The following MYH7 variants were observed in gnomAD, a reference collection of about 807,000 sequenced individuals.
The protein encoded by MYH7 is myosin-7.
In MYH7, 129 loss-of-function variants were observed where a neutral mutation model predicts 225.4. That is an observed-to-expected ratio of 0.57 (90% CI 0.50 to 0.66). The LOEUF (loss-of-function observed/expected upper bound fraction) is 0.66, where lower values mean the gene tolerates loss of function less well. Among genes scored for constraint, MYH7 ranks in the 30% least tolerant of loss-of-function variants. MYH7 has a pLI of 0.00. For synonymous variants in MYH7, 971 were observed against 1,007.6 expected (o/e 0.96, Z 0.69); for missense variants, 1,649 against 2,517.0 (o/e 0.66, Z 7.38).
rs1181782451 is a variant in MYH7 at position 23,433,960 on chromosome 14, G to A, written c.-8-220C>T. On this transcript the variant is annotated intron_variant, in intron 2 of 39. Coordinates refer to ENST00000355349, the MANE Select transcript of MYH7 (RefSeq NM_000257.4). The surrounding 1 kb of genome is among the most constrained non-coding windows in gnomAD (Gnocchi z 4.1). ...AACAACTAACTATTGTTCAAGCTGG[G>A]GCTCTCCTAGGGGAAGGAAGAGCAT... Among the ~76,000 whole-genome samples, 1 of 152,128 alleles carries A rather than the reference G, an allele frequency of 6.6e-6. No individual in the cohort carries two copies. The highest frequency in any genetic ancestry group is 1.5e-5 in the Non-Finnish European group (1 of 68,004).
At chr14:23,416,782 C>T in intron 33 of MYH7, 86 bp downstream of exon 33, 1 of 1,605,684 alleles carries the variant, frequency 6.2e-7, no homozygotes. Flanking sequence ...GGACAGTGAA[C>T]AAAACGGACA....
chr14:23,419,359 G>A (rs1256985089), intron 28 of MYH7, 64 bp from the exon 29 acceptor site: 3 of 1,611,972 alleles, frequency 1.9e-6, no homozygotes, highest in Non-Finnish European at 2.5e-6. Flanking sequence ...TAGCCCTCAG[G>A]CCCCATTTTC....
chr14:23,420,895 G>T, intron 26 of MYH7, 63 bp downstream of exon 26: 2 of 1,243,920 alleles, frequency 1.6e-6, no homozygotes, highest in Non-Finnish European at 2.4e-6. Flanking sequence ...CCCTAGAGGA[G>T]GGGGCAGGGG....
chr14:23,415,838 G>A lies in MYH7; in HGVS notation c.4954-6C>T. ...TCCAGCTGAATCTGGGTGTCCTGAG[G>A]ATCAGGAGAGTGGGCATGAGCAGGG... On this transcript the variant is annotated splice_polypyrimidine_tract_variant and splice_region_variant and intron_variant, in intron 34 of 39. Coordinates refer to ENST00000355349, the MANE Select transcript of MYH7 (RefSeq NM_000257.4). The surrounding 1 kb of genome is among the most constrained non-coding windows in gnomAD (Gnocchi z 6.3). The A allele has an allele frequency of 1.2e-6, 2 of 1,614,206 alleles. No individual in the cohort carries two copies. The highest frequency in any genetic ancestry group is 1.7e-6 in the Non-Finnish European group (2 of 1,180,026).
In MYH7 at chr14:23,430,898, C is replaced by T. The variant is rs1338735834; in HGVS notation, c.895+3G>A. ...TTGGTCTCAGTCGGTGGCTCTGACTCACCCAGCAGCTCAGGCTTTTTGTTA... is the reference window on the plus strand; with the variant it reads ...TTGGTCTCAGTCGGTGGCTCTGACTTACCCAGCAGCTCAGGCTTTTTGTTA... On this transcript the variant is annotated splice_donor_region_variant and intron_variant, in intron 10 of 39. Transcript: ENST00000355349. The T allele has an allele frequency of 3.1e-6, 5 of 1,609,342 alleles. No individual in the cohort carries two copies. Among genetic ancestry groups the T allele is most frequent in the East Asian group, 2.2e-5 (1 of 44,856 alleles).
At chr14:23,422,429 T>C (rs539147074) in intron 24 of MYH7, 104 bp from the exon 25 acceptor site, 5 of 1,534,148 alleles carry the variant, frequency 3.3e-6, no homozygotes, top group East Asian at 4.6e-5. Flanking sequence ...GTTCAGGACT[T>C]GGGAAACCTT....
rs1246893810 is a variant in MYH7 at position 23,416,940 on chromosome 14, A to G, written c.4572T>C (p.His1524=). The G allele has an allele frequency of 1.9e-6, 3 of 1,614,204 alleles. No homozygotes were observed. The highest frequency in any genetic ancestry group is 2.5e-6 in the Non-Finnish European group (3 of 1,180,032). ...EQLGSSGKTI[H]ELEKVRKQLE... ...GCTGCTTTCGGACCTTCTCCAGCTC[A>G]TGGATAGTCTTTCCGCTGGAACCCA... Residue 1524 remains histidine (H), a synonymous_variant, in exon 33 of 40, where the codon CAT becomes CAC. Transcript: ENST00000355349.
In MYH7 at chr14:23,429,785, G is replaced by A. The variant is rs2231126; in HGVS notation, c.1128C>T (p.Asp376=). 0.091 allele frequency: 147,408 copies of A among 1,612,304 alleles called. 10,510 individuals carry two copies. The highest frequency in any genetic ancestry group is 0.39 in the African/African-American group (29,016 of 74,854). Residue 376 remains aspartate (D), a synonymous_variant, in exon 12 of 40, where the codon GAC becomes GAT. Transcript: ENST00000355349. ...LKQREEQAEP[D]GTEEADKSAY... ...ATCCCTGCCTCCCACCTTCAGTGCC[G>A]TCTGGCTCCGCCTGCTCCTCCCGCT...
At position 23,413,795 on chromosome 14, in the gene MYH7, G is replaced by A. The variant is rs138110910; in HGVS notation, c.5754C>T (p.Asn1918=). ...TGTCACGGCTCTTGGCCCGCAGCTT[G>A]TTGACCTGGGACTCGGCGATGTCCG... ...ERADIAESQV[N]KLRAKSRDIG... Residue 1918 remains asparagine (N), a synonymous_variant, in exon 39 of 40, where the codon AAC becomes AAT. Transcript: ENST00000355349. 6.2e-7 allele frequency: 1 copy of A among 1,614,244 alleles called. No homozygotes were observed. The highest frequency in any genetic ancestry group is 2.2e-5 in the East Asian group (1 of 44,892).
In MYH7 at chr14:23,415,805, C is replaced by T. The variant is rs1358266100; in HGVS notation, c.4981G>A (p.Val1661Ile). ...TCCTTCAGGTCGTCGTTGGCACGGA[C>T]TGCATCGTCCAGCTGAATCTGGGTG... Reference protein sequence around the residue: ...KDTQIQLDDAVRANDDLKENI... With the variant: ...KDTQIQLDDAIRANDDLKENI... The change falls in exon 35 of 40, where the codon GTC (valine) becomes ATC (isoleucine). Residue 1661 changes from valine (V) to isoleucine (I), a missense_variant. This residue lies in a region of MYH7 where 687 missense variants were observed against 913.8 expected (regional missense o/e 0.75). Coordinates refer to ENST00000355349, the MANE Select transcript of MYH7 (RefSeq NM_000257.4). This position sits in a 1 kb window ranked among gnomAD's most constrained non-coding sequence, Gnocchi z 6.3. The T allele has an allele frequency of 3.7e-6, 6 of 1,614,232 alleles. No individual in the cohort carries two copies. The highest frequency in any genetic ancestry group is 5.1e-6 in the Non-Finnish European group (6 of 1,180,054).
chr14:23,415,281 G>T lies in MYH7; in HGVS notation c.5284-11C>A. On this transcript the variant is annotated splice_polypyrimidine_tract_variant and intron_variant, in intron 36 of 39. Coordinates refer to ENST00000355349, the MANE Select transcript of MYH7 (RefSeq NM_000257.4). This position sits in a 1 kb window ranked among gnomAD's most constrained non-coding sequence, Gnocchi z 6.3. ...TGCCATCATGGCGGCCTGTGTGCAG[G>T]AGAGAGGTGGCACATGGTCTGGTCA... 6.2e-7 allele frequency: 1 copy of T among 1,614,242 alleles called. No individual in the cohort carries two copies. Among genetic ancestry groups the T allele is most frequent in the African/African-American group, 1.3e-5 (1 of 75,066 alleles).
intron 33 of MYH7, among the ~76,000 whole-genome samples, chr14:23,416,622 C>T (rs1442038741): frequency 2.0e-5 from 3 of 152,032 alleles, no homozygotes; most frequent in Admixed American, 6.5e-5. Context: ...AGGTGGGAAC[C>T]GGGAGGTATG....
chr14:23,419,716 G>A, intron 27 of MYH7, 107 bp from the exon 28 acceptor site: 1 of 1,612,042 alleles, frequency 6.2e-7, no homozygotes. Context: ...GTGAAAAGAA[G>A]GAGGGGATCT....
At chr14:23,421,839 G>A in intron 25 of MYH7, 1 of 954,656 alleles carries the variant, frequency 1.0e-6, no homozygotes, top group South Asian at 4.8e-5. Context: ...ACTTTCCTAA[G>A]AGGCTCTCAT....
At chr14:23,421,092 C>G (rs777327438) in intron 25 of MYH7, 44 bp from the exon 26 acceptor site, 1 of 1,463,562 alleles carries the variant, frequency 6.8e-7, no homozygotes, top group Non-Finnish European at 9.6e-7. Flanking sequence ...ACTCGTGGGG[C>G]CTCAGGAGGG....
Position 23,432,795 on chromosome 14 carries a change from T to A in MYH7, c.346A>T (p.Thr116Ser). The change falls in exon 5 of 40, where the codon ACC (threonine) becomes TCC (serine). Residue 116 changes from threonine (T) to serine (S), a missense_variant and splice_region_variant. Around this residue, in one of 12 missense-constraint regions of MYH7, gnomAD observed 77 missense variants for 144.0 expected, o/e 0.53. Transcript: ENST00000355349. ...KDRYGSWMIYTYSGLFCVTVN... is the reference protein window; with the variant it reads ...KDRYGSWMIYSYSGLFCVTVN... The stretch of plus-strand genomic sequence containing the variant: ...GTGACACAGAAGAGGCCCGAGTAGG[T>A]CTGGGGATAGAAAAGGAGCAGTGAC... 1.2e-6 allele frequency: 2 copies of A among 1,613,932 alleles called. No individual in the cohort carries two copies. The highest frequency in any genetic ancestry group is 1.7e-6 in the Non-Finnish European group (2 of 1,179,974).
chr14:23,414,636 G>A (rs1445808276), intron 37 of MYH7, among the ~76,000 whole-genome samples: 4 of 152,172 alleles, frequency 2.6e-5, no homozygotes, highest in Non-Finnish European at 5.9e-5. Flanking sequence ...CAATGAAAAA[G>A]TTTTTATGCT....
rs1892070670 is a variant in MYH7, at chr14:23,413,834, C to T, written c.5715G>A (p.Glu1905=). ...KFRKVQHELD[E]AEERADIAES... Reference sequence around the variant, plus strand: ...CGGCGATGTCCGCCCGCTCCTCTGCCTCATCCAGCTCGTGCTGCACCTTGC... The same window carrying T: ...CGGCGATGTCCGCCCGCTCCTCTGCTTCATCCAGCTCGTGCTGCACCTTGC... The change falls in exon 39 of 40, where the codon GAG becomes GAA. Residue 1905 remains glutamate (E), a synonymous_variant. Transcript: ENST00000355349. 1 of 1,614,156 alleles carries T rather than the reference C, an allele frequency of 6.2e-7. No individual in the cohort carries two copies. The highest frequency in any genetic ancestry group is 1.7e-5 in the Admixed American group (1 of 60,014).
intron 23 of MYH7, 77 bp downstream of exon 23, chr14:23,423,830 G>A: frequency 6.2e-7 from 1 of 1,613,456 alleles, no homozygotes. Context: ...ATGCCGAGTG[G>A]CTAGCCTGGG....
Sources: allele counts gnomAD v4.1 joint callset (sites outside exome capture counted in the v4.1 genomes callset), GRCh38; gene constraint gnomAD v4.1.1; regional missense constraint gnomAD v4.1.1; non-coding constraint Gnocchi (gnomAD v3.1); transcripts MANE v1.5; gene names NCBI Gene and HGNC (gene_info 2026-07-23, HGNC 2026-07-21).